The following FHIT variants were observed in gnomAD, a reference collection of about 807,000 sequenced individuals.
FHIT encodes the protein fragile histidine triad diadenosine triphosphatase, also known as bis(5'-adenosyl)-triphosphatase.
In FHIT, 19 loss-of-function variants were observed where a neutral mutation model predicts 17.9. The observed-to-expected ratio is 1.06, with a 90% confidence interval of 0.74 to 1.56. FHIT has a LOEUF of 1.56. Ranked by LOEUF, FHIT falls within the 40% of genes most tolerant of loss-of-function variation. FHIT has a pLI of 0.00. For missense variants in FHIT, 248 were observed against 189.2 expected (o/e 1.31, Z -1.82); for synonymous variants, 81 against 69.7 (o/e 1.16, Z -0.81).
Position 61,216,761 on chromosome 3 carries a change from C to T in FHIT, c.-212-16096G>A, listed in dbSNP as rs548912794. Among the ~76,000 whole-genome samples the T allele has an allele frequency of 6.6e-5, 10 of 152,202 alleles. No individual in the cohort carries two copies. The South Asian group carries it at 1.0e-3, about 16-fold the overall frequency. On this transcript the variant is annotated intron_variant, in intron 1 of 9. Transcript: ENST00000492590. ...AACCGACCCAAATGTCCAACAATGA[C>T]AGACTGGATTAAGAAAATGTGGCAC...
Position 60,801,605 on chromosome 3 carries a change from C to T in FHIT, c.-18+20314G>A, listed in dbSNP as rs189802116. Among the ~76,000 whole-genome samples, 161 of 152,318 alleles carry T rather than the reference C, an allele frequency of 1.1e-3. 4 individuals are homozygous for T. The South Asian group carries it at 0.03, about 28-fold the overall frequency. On this transcript the variant is annotated intron_variant, in intron 4 of 9. Transcript: ENST00000492590. ...CCTGATACACATTTTCAGTTAGGCA[C>T]GTCATGTGACCTTACAGACCAAGGT...
At chr3:60,124,037 G>GAC (rs1559653868) in intron 5 of FHIT, among the ~76,000 whole-genome samples, 38 of 115,474 alleles carry the variant, frequency 3.3e-4, no homozygotes, top group South Asian at 9.9e-4. Context: ...GAGAGAGAGA[G>GAC]AGAGAGAGAG....
intron 4 of FHIT, among the ~76,000 whole-genome samples, chr3:60,608,398 T>C (rs2107726708): frequency 6.6e-6 from 1 of 152,232 alleles, no homozygotes; most frequent in South Asian, 2.1e-4. Context: ...TATATGACAC[T>C]CAATTACAGT....
intron 5 of FHIT, among the ~76,000 whole-genome samples, chr3:60,336,359 TA>T (rs1412179943): frequency 6.6e-6 from 1 of 152,230 alleles, no homozygotes; most frequent in African/African-American, 2.4e-5. Flanking sequence ...CTTCTTTAGT[TA>T]CAAAGGAGAT....
chr3:61,075,099 T>C (rs1245469941), intron 2 of FHIT, among the ~76,000 whole-genome samples: 1 of 152,130 alleles, frequency 6.6e-6, no homozygotes, highest in Non-Finnish European at 1.5e-5. Context: ...GGTTTCAATG[T>C]TCTACCAAAA....
chr3:60,467,968 G>T (rs1342129554), intron 5 of FHIT, among the ~76,000 whole-genome samples: 1 of 152,012 alleles, frequency 6.6e-6, no homozygotes, highest in Non-Finnish European at 1.5e-5. Flanking sequence ...ACATATATGA[G>T]TGCTCCAGTG....
chr3:60,666,340 A>C (rs2040381427), intron 4 of FHIT, among the ~76,000 whole-genome samples: 1 of 151,966 alleles, frequency 6.6e-6, no homozygotes, highest in Non-Finnish European at 1.5e-5. Flanking sequence ...TTTCCTCTTC[A>C]CTCTGGAAGT....
chr3:60,260,508 G>C (rs1257625975), intron 5 of FHIT, among the ~76,000 whole-genome samples: 1 of 152,074 alleles, frequency 6.6e-6, no homozygotes, highest in African/African-American at 2.4e-5. Flanking sequence ...ACACAGAAGT[G>C]AAAAAGTGAT....
intron 3 of FHIT, among the ~76,000 whole-genome samples, chr3:60,824,462 T>C (rs1426905857): frequency 1.3e-5 from 2 of 152,082 alleles, no homozygotes; most frequent in Non-Finnish European, 2.9e-5. Flanking sequence ...AGGGAATAAG[T>C]AACCAGAATA....
chr3:59,983,398 A>G (rs1477005079), intron 7 of FHIT, among the ~76,000 whole-genome samples: 2 of 152,166 alleles, frequency 1.3e-5, no homozygotes, highest in Non-Finnish European at 2.9e-5. Flanking sequence ...TGGCCTGAAA[A>G]TAAGTGACTA....
chr3:59,769,092 T>G (rs1216011944), intron 8 of FHIT, among the ~76,000 whole-genome samples: 1 of 152,228 alleles, frequency 6.6e-6, no homozygotes, highest in Non-Finnish European at 1.5e-5. Context: ...AAGGTATGTC[T>G]GTGCCTGCAC....
At chr3:61,213,259 C>A (rs2039550012) in intron 1 of FHIT, among the ~76,000 whole-genome samples, 1 of 152,212 alleles carries the variant, frequency 6.6e-6, no homozygotes, top group South Asian at 2.1e-4. Flanking sequence ...TTCAGGAAAC[C>A]CATCTCACAT....
chr3:60,696,806 G>A (rs2041122521), intron 4 of FHIT, among the ~76,000 whole-genome samples: 1 of 152,248 alleles, frequency 6.6e-6, no homozygotes, highest in East Asian at 1.9e-4. Flanking sequence ...ACGACCTTAG[G>A]TTGAAGATGT....
chr3:60,112,513 C>G (rs915054825), intron 5 of FHIT, among the ~76,000 whole-genome samples: 5 of 152,176 alleles, frequency 3.3e-5, no homozygotes, highest in African/African-American at 1.2e-4. Context: ...TGCAGGGAAC[C>G]TGGACATTGC....
chr3:59,815,368 C>G (rs930637284), intron 8 of FHIT, among the ~76,000 whole-genome samples: 1 of 152,126 alleles, frequency 6.6e-6, no homozygotes, highest in Non-Finnish European at 1.5e-5. Flanking sequence ...ATCCAGCAAT[C>G]CCACTGCTGG....
chr3:60,897,859 G>A (rs1225884510), intron 3 of FHIT, among the ~76,000 whole-genome samples: 1 of 152,112 alleles, frequency 6.6e-6, no homozygotes. Context: ...ATAAGAATTA[G>A]TAGTACAAAT....
chr3:61,195,320 C>G (rs1263476721), intron 2 of FHIT, among the ~76,000 whole-genome samples: 1 of 151,972 alleles, frequency 6.6e-6, no homozygotes, highest in Non-Finnish European at 1.5e-5. Context: ...TACTGAATCA[C>G]CCACTAGTGT....
chr3:60,176,421 T>A (rs1368853200), intron 5 of FHIT, among the ~76,000 whole-genome samples: 1 of 152,166 alleles, frequency 6.6e-6, no homozygotes, highest in Non-Finnish European at 1.5e-5. Flanking sequence ...TATCAGATAT[T>A]AATTAGTAAA....
intron 5 of FHIT, among the ~76,000 whole-genome samples, chr3:60,191,194 C>T (rs933777170): frequency 6.6e-6 from 1 of 152,116 alleles, no homozygotes; most frequent in African/African-American, 2.4e-5. Flanking sequence ...GTATACTATA[C>T]AGCTTTGGTA....
Sources: allele counts gnomAD v4.1 joint callset (sites outside exome capture counted in the v4.1 genomes callset), GRCh38; gene constraint gnomAD v4.1.1; transcripts MANE v1.5; gene names NCBI Gene and HGNC (gene_info 2026-07-23, HGNC 2026-07-21).